The following NEURL1B variants were observed in gnomAD, a reference collection of about 807,000 sequenced individuals.
NEURL1B encodes neuralized E3 ubiquitin protein ligase 1B, also known as E3 ubiquitin-protein ligase NEURL1B.
A neutral mutation model predicts 37.4 loss-of-function variants in NEURL1B; 13 were observed. The observed-to-expected ratio is 0.35, with a 90% CI of 0.23 to 0.55. NEURL1B has a LOEUF of 0.55. Among genes scored for constraint, NEURL1B ranks in the 20% least tolerant of loss-of-function variants. The pLI is 0.89. For missense variants in NEURL1B, 790 were observed against 879.2 expected (o/e 0.90, Z 1.28); for synonymous variants, 432 against 426.6 (o/e 1.01, Z -0.16).
intron 1 of NEURL1B, among the ~76,000 whole-genome samples, chr5:172,664,069 T>C (rs1343627045): frequency 6.6e-6 from 1 of 151,924 alleles, no homozygotes; most frequent in African/African-American, 2.4e-5. Flanking sequence ...TTCGATGTAA[T>C]GTTGAATTAG....
rs1437931023 is a variant in NEURL1B at position 172,689,992 on chromosome 5, C to T, written c.*3067C>T. 6.6e-6 allele frequency: 1 copy of T among 152,388 alleles called. No individual in the cohort carries two copies. The allele number at this position is 152,388 out of a possible 1,614,324, so 9.4% of individuals were successfully genotyped here. On this transcript the variant is annotated 3_prime_UTR_variant, in exon 5 of 5. Coordinates refer to ENST00000369800, the MANE Select transcript of NEURL1B (RefSeq NM_001142651.3). Reference sequence around the variant, plus strand: ...AGGGACCTGGGGCCTTGTCCCACCACCTTCCTAGGCCCCGTGATCACCACC... The same window carrying T: ...AGGGACCTGGGGCCTTGTCCCACCATCTTCCTAGGCCCCGTGATCACCACC...
chr5:172,652,418 G>A (rs1297722061), intron 1 of NEURL1B, among the ~76,000 whole-genome samples: 1 of 152,222 alleles, frequency 6.6e-6, no homozygotes, highest in African/African-American at 2.4e-5. Context: ...TTCCAACCAG[G>A]CATTTGCATC....
rs150600680 is a variant in NEURL1B, at chr5:172,690,237, C to T, written c.*3312C>T. ...GCTGTTTGCAAAGCAAATCCAGCTCCTTGTCCTAGCAGGTTCTCAGAACGG... is the reference window on the plus strand; with the variant it reads ...GCTGTTTGCAAAGCAAATCCAGCTCTTTGTCCTAGCAGGTTCTCAGAACGG... On this transcript the variant is annotated 3_prime_UTR_variant, in exon 5 of 5. Transcript: ENST00000369800. 8.5e-5 allele frequency: 13 copies of T among 152,384 alleles called. No homozygotes were observed. Among genetic ancestry groups the T allele is most frequent in the African/African-American group, 2.9e-4 (12 of 41,594 alleles). 9.4% of individuals were successfully genotyped at this position (152,384 alleles called of 1,614,324 possible).
intron 1 of NEURL1B, among the ~76,000 whole-genome samples, chr5:172,646,344 A>T (rs1463700699): frequency 6.6e-6 from 1 of 152,188 alleles, no homozygotes; most frequent in Non-Finnish European, 1.5e-5. Flanking sequence ...AATGCCCAGG[A>T]TGGTAGCCAT....
rs1276556901 is a variant in NEURL1B, at chr5:172,676,096, A to G, written c.577+5766A>G. Among the ~76,000 whole-genome samples the G allele has an allele frequency of 6.6e-6, 1 of 151,702 alleles. No homozygotes were observed. ...GTCGGGGGTCATGGCATAGCAGACC[A>G]TATTGTCAGAAATCTTTGGTTGCAA... On this transcript the variant is annotated intron_variant, in intron 2 of 4. Transcript: ENST00000369800. The surrounding 1 kb of genome is among the most constrained non-coding windows in gnomAD (Gnocchi z 4.5).
Position 172,690,131 on chromosome 5 carries a change from G to A in NEURL1B, c.*3206G>A, listed in dbSNP as rs1758613468. On this transcript the variant is annotated 3_prime_UTR_variant, in exon 5 of 5. Transcript: ENST00000369800. ...CTGGGCCACAGCAGCCAGGGCTCCA[G>A]GGCGAGGACAGGGGACACCTGAAAA... 1 of 152,408 alleles carries A rather than the reference G, an allele frequency of 6.6e-6. No individual in the cohort carries two copies. The highest frequency in any genetic ancestry group is 1.9e-4 in the East Asian group (1 of 5,210). 9.4% of individuals were successfully genotyped at this position (152,408 alleles called of 1,614,324 possible).
chr5:172,657,674 C>A lies in NEURL1B; in HGVS notation c.32-12111C>A, dbSNP rs1257851636. On this transcript the variant is annotated intron_variant, in intron 1 of 4. Coordinates refer to ENST00000369800, the MANE Select transcript of NEURL1B (RefSeq NM_001142651.3). This position sits in a 1 kb window ranked among gnomAD's most constrained non-coding sequence, Gnocchi z 4.0. ...GGTAACGCCGGTGTCTGGGAAGGCACCTGTTACTTAGCCGACCACGAAAGG... is the reference window on the plus strand; with the variant it reads ...GGTAACGCCGGTGTCTGGGAAGGCAACTGTTACTTAGCCGACCACGAAAGG... Among the ~76,000 whole-genome samples the A allele has an allele frequency of 1.3e-5, 2 of 152,074 alleles. No individual in the cohort carries two copies. The highest frequency in any genetic ancestry group is 2.9e-5 in the Non-Finnish European group (2 of 68,022).
chr5:172,683,983 G>C lies in NEURL1B; in HGVS notation c.1142G>C (p.Gly381Ala). The C allele has an allele frequency of 7.6e-7, 1 of 1,319,508 alleles. No homozygotes were observed. Among genetic ancestry groups the C allele is most frequent in the East Asian group, 3.4e-5 (1 of 29,550 alleles). 81.7% of individuals were successfully genotyped at this position (1,319,508 alleles called of 1,614,324 possible). A position where few individuals can be genotyped will look rare whatever the true frequency, so the allele number is the denominator to read the frequency against. Residue 381 changes from glycine (G) to alanine (A), a missense_variant, in exon 3 of 5, where the codon GGC becomes GCC. By Grantham distance (60) the Gly-to-Ala change is moderately conservative (BLOSUM62 0). Coordinates refer to ENST00000369800, the MANE Select transcript of NEURL1B (RefSeq NM_001142651.3). This position sits in a 1 kb window ranked among gnomAD's most constrained non-coding sequence, Gnocchi z 5.6. ...CGCGCCGGGCCCGTGCCGAGCGGCG[G>C]CGACGCGCTCAGCTTCACGCTGCGG... ...VARAGPVPSG[G>A]DALSFTLRPG...
chr5:172,684,489 T>TGCCC (rs1758444335), intron 3 of NEURL1B, among the ~76,000 whole-genome samples: 2 of 152,186 alleles, frequency 1.3e-5, no homozygotes, highest in African/African-American at 4.8e-5. Context: ...ATCCCCTCGG[T>TGCCC]AAATGGTCGG....
intron 3 of NEURL1B, among the ~76,000 whole-genome samples, chr5:172,685,857 C>CAA (rs1758482451): frequency 6.6e-6 from 1 of 152,194 alleles, no homozygotes; most frequent in Non-Finnish European, 1.5e-5. Context: ...GTGCCCTTTC[C>CAA]TGAACCACCA....
chr5:172,673,814 CA>C (rs34986749), intron 2 of NEURL1B, among the ~76,000 whole-genome samples: 182 of 124,372 alleles, frequency 1.5e-3, no homozygotes, highest in East Asian at 3.3e-3. Context: ...CGTACTTATG[CA>C]AAAAAAAAAA....
Position 172,661,734 on chromosome 5 carries a change from G to A in NEURL1B, c.32-8051G>A, listed in dbSNP as rs1402596619. 2.6e-5 allele frequency among the ~76,000 whole-genome samples: 4 copies of A among 152,248 alleles called. No homozygotes were observed. The highest frequency in any genetic ancestry group is 2.9e-5 in the Non-Finnish European group (2 of 68,052). ...CATGCCATCTGCGGAACTCCAGCAG[G>A]CTGGAAGCCGGCGTCTCGGGGCCAG... On this transcript the variant is annotated intron_variant, in intron 1 of 4. Coordinates refer to ENST00000369800, the MANE Select transcript of NEURL1B (RefSeq NM_001142651.3). The surrounding 1 kb of genome is among the most constrained non-coding windows in gnomAD (Gnocchi z 4.0).
At chr5:172,680,130 C>G (rs1335767918) in intron 2 of NEURL1B, among the ~76,000 whole-genome samples, 1 of 152,132 alleles carries the variant, frequency 6.6e-6, no homozygotes, top group Non-Finnish European at 1.5e-5. Flanking sequence ...TTTTTATGAT[C>G]ATAATTAATG....
At chr5:172,660,986 G>T (rs1188652668) in intron 1 of NEURL1B, among the ~76,000 whole-genome samples, 2 of 152,126 alleles carry the variant, frequency 1.3e-5, no homozygotes, top group African/African-American at 4.8e-5. Flanking sequence ...ATGGAACTTT[G>T]TTGGCAAAGG....
At chr5:172,667,278 A>AAAAAAT (rs1359294406) in intron 1 of NEURL1B, among the ~76,000 whole-genome samples, 1 of 144,736 alleles carries the variant, frequency 6.9e-6, no homozygotes, top group Non-Finnish European at 1.5e-5. Context: ...TCTCTACTAA[A>AAAAAAT]AAAAAAAAAA....
intron 1 of NEURL1B, among the ~76,000 whole-genome samples, chr5:172,643,164 G>C (rs1322116467): frequency 6.6e-6 from 1 of 152,158 alleles, no homozygotes; most frequent in African/African-American, 2.4e-5. Flanking sequence ...AGTTAAGGTT[G>C]GTTACCCACT....
At position 172,641,300 on chromosome 5, in the gene NEURL1B, C is replaced by A; in HGVS notation, c.-107C>A. The A allele has an allele frequency of 9.6e-7, 1 of 1,045,548 alleles. No homozygotes were observed. The highest frequency in any genetic ancestry group is 1.2e-6 in the Non-Finnish European group (1 of 823,028). 64.8% of individuals were successfully genotyped at this position (1,045,548 alleles called of 1,614,324 possible). On this transcript the variant is annotated 5_prime_UTR_variant, in exon 1 of 5. The change creates a new upstream start codon in the 5' untranslated region. Transcript: ENST00000369800. This position sits in a 1 kb window ranked among gnomAD's most constrained non-coding sequence, Gnocchi z 6.4. ...GCCGCCCGCCGGCTCGCCCGTGCAG[C>A]TGCGATGCCCCGGAGCGTCGACCCC... is the stretch of plus-strand genomic sequence containing the variant.
chr5:172,680,075 A>G (rs1758319078), intron 2 of NEURL1B, among the ~76,000 whole-genome samples: 1 of 152,076 alleles, frequency 6.6e-6, no homozygotes, highest in Non-Finnish European at 1.5e-5. Flanking sequence ...ACCTCTGTTC[A>G]CCCAGCACAC....
At chr5:172,667,836 G>A (rs1342935407) in intron 1 of NEURL1B, among the ~76,000 whole-genome samples, 2 of 143,426 alleles carry the variant, frequency 1.4e-5, no homozygotes, top group Non-Finnish European at 3.1e-5. Flanking sequence ...TCAAACAATA[G>A]GATCTCCCCA....
Sources: allele counts gnomAD v4.1 joint callset (sites outside exome capture counted in the v4.1 genomes callset), GRCh38; gene constraint gnomAD v4.1.1; non-coding constraint Gnocchi (gnomAD v3.1); transcripts MANE v1.5; gene names NCBI Gene and HGNC (gene_info 2026-07-23, HGNC 2026-07-21).